The following AKAP13 variants were observed in gnomAD, a reference collection of about 807,000 sequenced individuals.
AKAP13 encodes A-kinase anchoring protein 13, also known as A-kinase anchor protein 13.
Under a neutral mutation model 264.5 loss-of-function variants are expected in AKAP13, and 80 were observed. The ratio of observed to expected loss-of-function variants is 0.30; its 90% confidence interval spans 0.25 to 0.36. AKAP13 has a LOEUF of 0.36. Among genes scored for constraint, AKAP13 ranks in the 10% least tolerant of loss-of-function variants. The pLI is 1.00. For missense variants in AKAP13, 3,712 were observed against 3,435.2 expected, an observed-to-expected ratio of 1.08 and a Z score of -2.01; for synonymous variants, 1,380 against 1,250.2, an observed-to-expected ratio of 1.10 and a Z score of -2.19.
In AKAP13 at chr15:85,736,099, G is replaced by A; in HGVS notation, c.7522G>A (p.Ala2508Thr). Reference protein sequence around the residue: ...SDSGLKKGGNANLVFMLKRNS... With the variant: ...SDSGLKKGGNTNLVFMLKRNS... Reference sequence around the variant, plus strand: ...GTTTTTTGTTTTATAGGGTGGAAATGCTAACCTGGTATTTATGCTTAAAAG... The same window carrying A: ...GTTTTTTGTTTTATAGGGTGGAAATACTAACCTGGTATTTATGCTTAAAAG... Residue 2508 changes from alanine to threonine, a missense_variant, in exon 33 of 37, where the codon GCT becomes ACT. Transcript: ENST00000394518. The A allele has an allele frequency of 1.9e-6, 3 of 1,606,124 alleles. No individual in the cohort carries two copies. Among genetic ancestry groups the A allele is most frequent in the Non-Finnish European group, 2.6e-6 (3 of 1,173,174 alleles).
intron 6 of AKAP13, among the ~76,000 whole-genome samples, chr15:85,576,390 A>G (rs990257080): frequency 6.8e-6 from 1 of 147,960 alleles, no homozygotes; most frequent in Non-Finnish European, 1.5e-5. Context: ...AAAGATAGCT[A>G]AAAAAAACAG....
chr15:85,551,872 T>C (rs1002955986), intron 5 of AKAP13, among the ~76,000 whole-genome samples: 2 of 152,248 alleles, frequency 1.3e-5, no homozygotes, highest in Non-Finnish European at 2.9e-5. Flanking sequence ...AAAAGCTACA[T>C]GTGATTTTTA....
chr15:85,659,609 T>C (rs765087138), intron 12 of AKAP13, among the ~76,000 whole-genome samples: 5 of 137,644 alleles, frequency 3.6e-5, no homozygotes, highest in Non-Finnish European at 8.2e-5. Context: ...AGAAGGTTCT[T>C]TGGAGATACG....
Position 85,744,767 on chromosome 15 carries a change from G to C in AKAP13, c.*90G>C. 8.1e-7 allele frequency: 1 copy of C among 1,234,192 alleles called. No individual in the cohort carries two copies. The highest frequency in any genetic ancestry group is 1.1e-6 in the Non-Finnish European group (1 of 891,648). 76.5% of individuals were successfully genotyped at this position (1,234,192 alleles called of 1,614,324 possible). ...CCGCGTGCACAAGTCTCTTACACTG[G>C]ACGCCCACTGCTCCTCAGCGTCCAG... On this transcript the variant is annotated 3_prime_UTR_variant, in exon 37 of 37. Coordinates refer to ENST00000394518, the MANE Select transcript of AKAP13 (RefSeq NM_007200.5).
chr15:85,399,842 G>C (rs2071339130), intron 1 of AKAP13, among the ~76,000 whole-genome samples: 2 of 152,226 alleles, frequency 1.3e-5, no homozygotes, highest in Admixed American at 1.3e-4. Flanking sequence ...ATAAGATTTA[G>C]AGATGCTGAG....
At chr15:85,411,131 G>A (rs978953758) in intron 1 of AKAP13, among the ~76,000 whole-genome samples, 5 of 152,176 alleles carry the variant, frequency 3.3e-5, no homozygotes, top group African/African-American at 1.2e-4. Context: ...ACCTGATAGT[G>A]CATAGTGCAA....
intron 2 of AKAP13, among the ~76,000 whole-genome samples, chr15:85,515,370 G>T (rs4843065): frequency 0.31 from 42,166 of 136,614 alleles, 12,470 homozygotes; most frequent in Middle Eastern, 0.53. Flanking sequence ...AGAGTAAATT[G>T]TAGGTCTCAC....
chr15:85,595,912 G>A (rs1387616530), intron 8 of AKAP13, among the ~76,000 whole-genome samples: 2 of 152,164 alleles, frequency 1.3e-5, no homozygotes, highest in Admixed American at 6.5e-5. Context: ...TGAACCATGT[G>A]GAAATTGAAA....
chr15:85,616,339 T>C (rs1171781960), intron 8 of AKAP13, among the ~76,000 whole-genome samples: 2 of 152,172 alleles, frequency 1.3e-5, no homozygotes, highest in Non-Finnish European at 2.9e-5. Context: ...GTTAAGTAAA[T>C]CAAATGAAAA....
intron 17 of AKAP13, 64 bp downstream of exon 17, chr15:85,693,515 T>C (rs2085400339): frequency 6.3e-7 from 1 of 1,584,226 alleles, no homozygotes; most frequent in South Asian, 1.2e-5. Flanking sequence ...GCTCATTTCT[T>C]GTTTCCTGTC....
chr15:85,684,638 A>G (rs1256412948), intron 15 of AKAP13, 103 bp from the exon 16 acceptor site: 5 of 1,276,898 alleles, frequency 3.9e-6, no homozygotes, highest in African/African-American at 1.5e-5. Flanking sequence ...GGCATACTCT[A>G]TAAAAAGCCA....
chr15:85,650,772 A>G lies in AKAP13; in HGVS notation c.4375-4645A>G, dbSNP rs1302393859. Among the ~76,000 whole-genome samples the G allele has an allele frequency of 5.6e-5, 8 of 142,430 alleles. No individual in the cohort carries two copies. The East Asian group carries it at 1.4e-3, about 25-fold the overall frequency. 93.4% of individuals were successfully genotyped at this position (142,430 alleles called of 152,430 possible). A position where few individuals can be genotyped will look rare whatever the true frequency, so the allele number is the denominator to read the frequency against. On this transcript the variant is annotated intron_variant, in intron 10 of 36. Transcript: ENST00000394518. ...CTCCATCTCAAAAAAAAAAAAAAAAAAAAAAAAAAAAAAAAAAACAACAAA... is the reference window on the plus strand; with the variant it reads ...CTCCATCTCAAAAAAAAAAAAAAAAGAAAAAAAAAAAAAAAAAACAACAAA...
intron 4 of AKAP13, among the ~76,000 whole-genome samples, chr15:85,543,503 T>C (rs565120709): frequency 6.6e-6 from 1 of 152,306 alleles, no homozygotes; most frequent in South Asian, 2.1e-4. Flanking sequence ...AGTCAGAATA[T>C]AGAAATGTCC....
intron 8 of AKAP13, among the ~76,000 whole-genome samples, chr15:85,594,864 C>A (rs367924705): frequency 6.6e-6 from 1 of 152,240 alleles, no homozygotes; most frequent in East Asian, 1.9e-4. Context: ...AGTTGACCAC[C>A]AGAAGAGTAA....
At chr15:85,399,319 A>AC (rs1406667958) in intron 1 of AKAP13, among the ~76,000 whole-genome samples, 4 of 150,096 alleles carry the variant, frequency 2.7e-5, no homozygotes, top group African/African-American at 9.8e-5. Flanking sequence ...ACAAGGTGAA[A>AC]CCCCGTCTCT....
chr15:85,475,574 C>A (rs2075131589), intron 1 of AKAP13, among the ~76,000 whole-genome samples: 1 of 152,132 alleles, frequency 6.6e-6, no homozygotes, highest in Non-Finnish European at 1.5e-5. Flanking sequence ...CTTTGTCCTC[C>A]CCTTCACTTT....
chr15:85,583,038 G>A (rs776140605), intron 7 of AKAP13: 135 of 985,354 alleles, frequency 1.4e-4, no homozygotes, highest in Non-Finnish European at 1.6e-4. Context: ...AAGCTGAAAC[G>A]GGAGTCGGAC....
intron 1 of AKAP13, among the ~76,000 whole-genome samples, chr15:85,479,707 A>G (rs1163870424): frequency 6.6e-6 from 1 of 152,160 alleles, no homozygotes; most frequent in African/African-American, 2.4e-5. Context: ...CCAAGTTAAC[A>G]GGTACAGAAG....
chr15:85,670,312 T>A (rs1038756819), intron 14 of AKAP13, among the ~76,000 whole-genome samples: 2 of 151,896 alleles, frequency 1.3e-5, no homozygotes, highest in Non-Finnish European at 2.9e-5. Context: ...CTCCTTTACC[T>A]CTAATTTAGT....
Sources: allele counts gnomAD v4.1 joint callset (sites outside exome capture counted in the v4.1 genomes callset), GRCh38; gene constraint gnomAD v4.1.1; transcripts MANE v1.5; gene names NCBI Gene and HGNC (gene_info 2026-07-23, HGNC 2026-07-21).